NWD2: variants seen among roughly 807,000 people sequenced by gnomAD.
The protein encoded by NWD2 is NACHT and WD repeat domain-containing protein 2.
NWD2 carries 37 observed loss-of-function variants against 132.7 expected under a neutral mutation model. The ratio of observed to expected loss-of-function variants is 0.28; its 90% confidence interval spans 0.21 to 0.37. The LOEUF is 0.37. Among genes scored for constraint, NWD2 ranks in the 10% least tolerant of loss-of-function variants. The probability of loss-of-function intolerance (pLI) is 1.00; values close to 1 mark genes in which losing one functional copy is unlikely to be tolerated. For synonymous variants in NWD2, 705 were observed against 803.0 expected (o/e 0.88, Z 2.06); for missense variants, 1,592 against 2,122.4 (o/e 0.75, Z 4.91).
chr4:37,403,113 A>G (rs974864533), intron 3 of NWD2, among the ~76,000 whole-genome samples: 1 of 151,966 alleles, frequency 6.6e-6, no homozygotes, highest in Non-Finnish European at 1.5e-5. Context: ...ACAGCATGCC[A>G]CTCTCAGGAA....
Position 37,445,838 on chromosome 4 carries a change from A to C in NWD2, c.3850A>C (p.Ser1284Arg). 6.4e-7 allele frequency: 1 copy of C among 1,552,066 alleles called. No individual in the cohort carries two copies. Among genetic ancestry groups the C allele is most frequent in the Non-Finnish European group, 8.7e-7 (1 of 1,147,062 alleles). ...SGSIVKLVKSSHHNMLLSLST... is the reference protein window; with the variant it reads ...SGSIVKLVKSRHHNMLLSLST... The stretch of plus-strand genomic sequence containing the variant: ...TTCCATTGTTAAGTTAGTGAAATCC[A>C]GTCACCACAATATGCTACTGTCTTT... The change falls in exon 7 of 7, where the codon AGT becomes CGT. Residue 1284 changes from serine to arginine, a missense_variant. Ser to Arg is a moderately radical substitution (Grantham distance 110). Coordinates refer to ENST00000309447, the MANE Select transcript of NWD2 (RefSeq NM_001144990.2). The surrounding 1 kb of genome is among the most constrained non-coding windows in gnomAD (Gnocchi z 4.7).
At chr4:37,397,772 G>A (rs1720827314) in intron 3 of NWD2, among the ~76,000 whole-genome samples, 1 of 151,856 alleles carries the variant, frequency 6.6e-6, no homozygotes. Flanking sequence ...CTAGCAACTT[G>A]TTACCCTGGG....
chr4:37,267,872 G>T (rs1019849776), intron 1 of NWD2, among the ~76,000 whole-genome samples: 3 of 151,904 alleles, frequency 2.0e-5, no homozygotes, highest in Admixed American at 6.6e-5. Context: ...AGAGATATAC[G>T]ATTATAACTC....
rs746181291 is a variant in NWD2 at position 37,443,728 on chromosome 4, C to T, written c.1740C>T (p.Val580=). 6.4e-7 allele frequency: 1 copy of T among 1,551,988 alleles called. No individual in the cohort carries two copies. Among genetic ancestry groups the T allele is most frequent in the South Asian group, 1.2e-5 (1 of 84,030 alleles). The change falls in exon 7 of 7, where the codon GTC becomes GTT. Residue 580 remains valine, a synonymous_variant. Transcript: ENST00000309447. The surrounding 1 kb of genome is among the most constrained non-coding windows in gnomAD (Gnocchi z 4.1). ...GAGACAGGAAGATGTGCAGCCAGGTCCTCAAACACCAGCTGCTGCGCGTCA... is the reference window on the plus strand; with the variant it reads ...GAGACAGGAAGATGTGCAGCCAGGTTCTCAAACACCAGCTGCTGCGCGTCA... The part of the protein sequence containing the change: ...IPRDRKMCSQ[V]LKHQLLRVKR...
At chr4:37,245,513 T>G (rs919070869) in intron 1 of NWD2, among the ~76,000 whole-genome samples, 1 of 150,926 alleles carries the variant, frequency 6.6e-6, no homozygotes, top group Non-Finnish European at 1.5e-5. Context: ...AGCTCCATTC[T>G]GCCGCCGCCG....
Position 37,444,923 on chromosome 4 carries a change from C to A in NWD2, c.2935C>A (p.Pro979Thr), listed in dbSNP as rs549469848. The A allele has an allele frequency of 6.4e-6, 10 of 1,552,292 alleles. No individual in the cohort carries two copies. The highest frequency in any genetic ancestry group is 2.7e-5 in the African/African-American group (2 of 73,146). ...CACAGAGATCCTGCCTACCTGTAAC[C>A]CCAGCACTGTCCTCACAGCTTTAGA... Reference protein sequence around the residue: ...HVTEILPTCNPSTVLTALENG... With the variant: ...HVTEILPTCNTSTVLTALENG... The change falls in exon 7 of 7, where the codon CCC becomes ACC. Residue 979 changes from proline (P) to threonine (T), a missense_variant. Pro to Thr is a conservative substitution (Grantham distance 38). This residue lies in a region of NWD2 where 1,071 missense variants were observed against 1,398.0 expected (regional missense o/e 0.77). Transcript: ENST00000309447. This position sits in a 1 kb window ranked among gnomAD's most constrained non-coding sequence, Gnocchi z 4.8.
At chr4:37,420,455 G>A (rs576149202) in intron 3 of NWD2, among the ~76,000 whole-genome samples, 12 of 152,306 alleles carry the variant, frequency 7.9e-5, no homozygotes, top group Non-Finnish European at 1.6e-4. Context: ...GGAGGCTCAG[G>A]TGGGTGGATC....
At chr4:37,355,442 C>T (rs1719852746) in intron 2 of NWD2, among the ~76,000 whole-genome samples, 2 of 152,178 alleles carry the variant, frequency 1.3e-5, no homozygotes. Flanking sequence ...CACACAAAGT[C>T]TCCAGAATCT....
chr4:37,352,054 T>C (rs887650547), intron 2 of NWD2, among the ~76,000 whole-genome samples: 10 of 152,210 alleles, frequency 6.6e-5, no homozygotes, highest in Admixed American at 5.9e-4. Flanking sequence ...TATTTTGTTA[T>C]GATTTCCATT....
chr4:37,402,238 A>G (rs998089657), intron 3 of NWD2, among the ~76,000 whole-genome samples: 2 of 152,160 alleles, frequency 1.3e-5, no homozygotes, highest in Non-Finnish European at 2.9e-5. Flanking sequence ...TGAGAAATAA[A>G]TTTATTTTCT....
intron 1 of NWD2, among the ~76,000 whole-genome samples, chr4:37,316,721 T>G (rs1718966228): frequency 6.6e-6 from 1 of 152,200 alleles, no homozygotes; most frequent in African/African-American, 2.4e-5. Flanking sequence ...TTTCAGGTTT[T>G]CATCAGCCAA....
chr4:37,433,228 A>T (rs1225974692), intron 4 of NWD2, among the ~76,000 whole-genome samples: 1 of 152,188 alleles, frequency 6.6e-6, no homozygotes, highest in Non-Finnish European at 1.5e-5. Flanking sequence ...ATAGCAAAGA[A>T]CCTGATACCC....
intron 1 of NWD2, among the ~76,000 whole-genome samples, chr4:37,307,065 A>G (rs1718725248): frequency 6.6e-6 from 1 of 152,018 alleles, no homozygotes. Context: ...GATGAGAGGA[A>G]TATGTATTCT....
chr4:37,251,144 T>C (rs1390951052), intron 1 of NWD2, among the ~76,000 whole-genome samples: 2 of 151,906 alleles, frequency 1.3e-5, no homozygotes, highest in African/African-American at 4.8e-5. Context: ...CTGAGCATGG[T>C]GGTGGGCGCC....
chr4:37,387,875 T>C (rs1485243318), intron 3 of NWD2, among the ~76,000 whole-genome samples: 1 of 151,744 alleles, frequency 6.6e-6, no homozygotes, highest in African/African-American at 2.4e-5. Flanking sequence ...GGTTTCACCA[T>C]GTTGGCCAGG....
intron 3 of NWD2, among the ~76,000 whole-genome samples, chr4:37,412,107 TC>T: frequency 6.6e-6 from 1 of 152,128 alleles, no homozygotes; most frequent in Middle Eastern, 3.2e-3. Context: ...TCACTCCTAT[TC>T]AACATAGTAT....
Position 37,446,673 on chromosome 4 carries a change from A to G in NWD2, c.4685A>G (p.His1562Arg). 6 of 1,551,348 alleles carry G rather than the reference A, an allele frequency of 3.9e-6. No homozygotes were observed. The highest frequency in any genetic ancestry group is 5.2e-6 in the Non-Finnish European group (6 of 1,146,946). Residue 1562 changes from histidine to arginine, a missense_variant, in exon 7 of 7, where the codon CAC becomes CGC. Transcript: ENST00000309447. This position sits in a 1 kb window ranked among gnomAD's most constrained non-coding sequence, Gnocchi z 6.7. ...TACAGTGGTAAATTGCGGGTGGTTC[A>G]CGCCTCTGGGATCATCTGGCGGCAG... ...DLYSGKLRVVHASGIIWRQRL... is the reference protein window; with the variant it reads ...DLYSGKLRVVRASGIIWRQRL...
chr4:37,443,716 G>A lies in NWD2; in HGVS notation c.1728G>A (p.Met576Ile), dbSNP rs1712549494. The change falls in exon 7 of 7, where the codon ATG becomes ATA. Residue 576 changes from methionine to isoleucine, a missense_variant. Met to Ile is a conservative substitution (Grantham distance 10). This residue lies in a region of NWD2 where 1,071 missense variants were observed against 1,398.0 expected (regional missense o/e 0.77). Transcript: ENST00000309447. This position sits in a 1 kb window ranked among gnomAD's most constrained non-coding sequence, Gnocchi z 4.1. ...YIELIPRDRK[M>I]CSQVLKHQLL... Reference sequence around the variant, plus strand: ...AGCTGATTCCCCGAGACAGGAAGATGTGCAGCCAGGTCCTCAAACACCAGC... The same window carrying A: ...AGCTGATTCCCCGAGACAGGAAGATATGCAGCCAGGTCCTCAAACACCAGC... The A allele has an allele frequency of 1.3e-6, 2 of 1,552,068 alleles. No homozygotes were observed. The highest frequency in any genetic ancestry group is 1.2e-5 in the South Asian group (1 of 84,042).
chr4:37,275,493 C>T (rs1008190278), intron 1 of NWD2, among the ~76,000 whole-genome samples: 32 of 152,202 alleles, frequency 2.1e-4, no homozygotes, highest in African/African-American at 6.7e-4. Flanking sequence ...TGAAAATGGC[C>T]ATACTGCCCA....
Sources: gnomAD v4.1 joint callset for allele counts (sites outside exome capture counted in the v4.1 genomes callset) on GRCh38, gnomAD v4.1.1 for gene constraint, gnomAD v4.1.1 regional missense constraint, Gnocchi (gnomAD v3.1) non-coding constraint, MANE v1.5 for transcripts, NCBI Gene and HGNC (gene_info 2026-07-23, HGNC 2026-07-21) for gene names.